Variants in NAALADL2 observed in about 807,000 individuals in gnomAD.
The protein encoded by NAALADL2 is inactive N-acetylated-alpha-linked acidic dipeptidase-like protein 2.
Under a neutral mutation model 87.2 loss-of-function variants are expected in NAALADL2, and 76 were observed. The ratio of observed to expected loss-of-function variants is 0.87; its 90% CI spans 0.72 to 1.05. The LOEUF (loss-of-function observed/expected upper bound fraction) is 1.05. NAALADL2 is among the 50% of genes least tolerant of loss of function. NAALADL2 has a pLI of 0.00. For synonymous variants in NAALADL2, 354 were observed against 331.0 expected (o/e 1.07, Z -0.75); for missense variants, 1,089 against 945.8 (o/e 1.15, Z -1.99).
intron 2 of NAALADL2, among the ~76,000 whole-genome samples, chr3:174,632,884 G>A (rs1292260777): frequency 3.0e-5 from 4 of 134,868 alleles, no homozygotes; most frequent in Non-Finnish European, 4.6e-5. Context: ...GCAGTGAGCC[G>A]AGATCGCGCC....
In NAALADL2 at chr3:175,753,872, A is replaced by C. The variant is rs1328192067; in HGVS notation, c.1991-1348A>C. On this transcript the variant is annotated intron_variant, in intron 12 of 13. Coordinates refer to ENST00000454872, the MANE Select transcript of NAALADL2 (RefSeq NM_207015.3). ...CTTCACACCATCTGTCTGTCTCAAT[A>C]TCATCCTCTCAAAACTGCCAATTTA... 3.3e-5 allele frequency among the ~76,000 whole-genome samples: 5 copies of C among 152,116 alleles called. No homozygotes were observed. In the East Asian group the frequency reaches 7.7e-4, roughly 24 times the overall value.
chr3:175,734,551 C>T (rs529815801), intron 11 of NAALADL2, among the ~76,000 whole-genome samples: 63 of 151,520 alleles, frequency 4.2e-4, no homozygotes, highest in African/African-American at 1.3e-3. Flanking sequence ...AGCGAGACTC[C>T]GTTTCAAAAA....
intron 4 of NAALADL2, among the ~76,000 whole-genome samples, chr3:175,301,506 A>G (rs1259366286): frequency 6.6e-6 from 1 of 152,148 alleles, no homozygotes; most frequent in Non-Finnish European, 1.5e-5. Flanking sequence ...GTTAATTCCA[A>G]TTTCTGTATT....
At chr3:174,545,470 A>G (rs1462500181) in intron 1 of NAALADL2, among the ~76,000 whole-genome samples, 1 of 152,076 alleles carries the variant, frequency 6.6e-6, no homozygotes, top group East Asian at 1.9e-4. Flanking sequence ...CTCCTGTGTG[A>G]TTGATCGTTT....
intron 1 of NAALADL2, among the ~76,000 whole-genome samples, chr3:175,013,464 A>G (rs1750421862): frequency 6.7e-6 from 1 of 149,648 alleles, no homozygotes; most frequent in Non-Finnish European, 1.5e-5. Context: ...ACGCCCAGCT[A>G]ATTTTTATAG....
In NAALADL2 at chr3:175,465,123, A is replaced by G. The variant is rs894746211; in HGVS notation, c.1327+1630A>G. ...TTTAATTAGCCGGGCATGGTGGCAG[A>G]CGCCTGTAGTCCCAGCTACTGGGGA... On this transcript the variant is annotated intron_variant, in intron 7 of 13. Coordinates refer to ENST00000454872, the MANE Select transcript of NAALADL2 (RefSeq NM_207015.3). Among the ~76,000 whole-genome samples, 41 of 152,104 alleles carry G rather than the reference A, an allele frequency of 2.7e-4. 3 individuals carry two copies. Among genetic ancestry groups the G allele is most frequent in the Admixed American group, 1.2e-3 (19 of 15,292 alleles).
At chr3:174,799,599 C>T (rs892212001) in intron 3 of NAALADL2, among the ~76,000 whole-genome samples, 1 of 152,134 alleles carries the variant, frequency 6.6e-6, no homozygotes, top group African/African-American at 2.4e-5. Flanking sequence ...GTAAATTGTC[C>T]AGTCTTTGAT....
intron 3 of NAALADL2, among the ~76,000 whole-genome samples, chr3:174,765,175 A>G (rs1430502707): frequency 6.8e-6 from 1 of 148,116 alleles, no homozygotes; most frequent in Non-Finnish European, 1.5e-5. Context: ...AGAGAGACAG[A>G]GAGAACAAGA....
chr3:174,490,632 T>G (rs1485541956), intron 1 of NAALADL2, among the ~76,000 whole-genome samples: 1 of 152,086 alleles, frequency 6.6e-6, no homozygotes, highest in Non-Finnish European at 1.5e-5. Context: ...GTGTATAGCT[T>G]TCAAAACAAA....
intron 4 of NAALADL2, among the ~76,000 whole-genome samples, chr3:175,312,849 C>T (rs1758557330): frequency 6.6e-6 from 1 of 152,058 alleles, no homozygotes; most frequent in Non-Finnish European, 1.5e-5. Flanking sequence ...GATAATTTGA[C>T]CTAAAGTTGA....
At chr3:174,948,719 G>T (rs1215944508) in intron 1 of NAALADL2, among the ~76,000 whole-genome samples, 12 of 152,014 alleles carry the variant, frequency 7.9e-5, no homozygotes, top group Middle Eastern at 3.2e-3. Flanking sequence ...TGGCTGTGGT[G>T]ACTCAAAAAC....
At chr3:175,764,195 C>A (rs1303519152) in intron 13 of NAALADL2, among the ~76,000 whole-genome samples, 3 of 150,546 alleles carry the variant, frequency 2.0e-5, no homozygotes, top group Non-Finnish European at 4.4e-5. Context: ...GATTATGGTC[C>A]AGTATCCCAT....
chr3:175,411,856 G>A (rs1713584004), intron 5 of NAALADL2, among the ~76,000 whole-genome samples: 1 of 152,088 alleles, frequency 6.6e-6, no homozygotes, highest in African/African-American at 2.4e-5. Flanking sequence ...GAGCCACTGG[G>A]AGCTTAACTG....
intron 4 of NAALADL2, among the ~76,000 whole-genome samples, chr3:175,283,835 G>T (rs988292294): frequency 2.6e-5 from 4 of 151,936 alleles, no homozygotes; most frequent in African/African-American, 9.7e-5. Context: ...CTGGACATGA[G>T]CTTAATCACT....
intron 3 of NAALADL2, among the ~76,000 whole-genome samples, chr3:174,849,043 A>G (rs977413752): frequency 6.6e-6 from 1 of 152,268 alleles, no homozygotes; most frequent in Admixed American, 6.5e-5. Flanking sequence ...TATGATATAA[A>G]AGATTAGAAA....
chr3:175,571,357 A>T (rs937743802), intron 9 of NAALADL2, among the ~76,000 whole-genome samples: 2 of 152,302 alleles, frequency 1.3e-5, no homozygotes, highest in African/African-American at 4.8e-5. Context: ...TTGTTATCAA[A>T]CATTAAATAT....
chr3:175,600,193 A>G (rs899351861), intron 10 of NAALADL2, among the ~76,000 whole-genome samples: 42 of 151,952 alleles, frequency 2.8e-4, no homozygotes, highest in Admixed American at 3.3e-4. Flanking sequence ...TATATATCTA[A>G]CATATATATG....
chr3:175,022,019 A>G (rs1751626120), intron 1 of NAALADL2, among the ~76,000 whole-genome samples: 1 of 151,944 alleles, frequency 6.6e-6, no homozygotes, highest in Non-Finnish European at 1.5e-5. Flanking sequence ...CTATTAGTAC[A>G]GGTGAGATCT....
chr3:174,613,465 G>A lies in NAALADL2; in HGVS notation c.-115+62828G>A, dbSNP rs141650909. Among the ~76,000 whole-genome samples the A allele has an allele frequency of 7.2e-5, 11 of 152,244 alleles. No homozygotes were observed. In the East Asian group the frequency reaches 9.7e-4, roughly 13 times the overall value. On this transcript the variant is annotated intron_variant, in intron 2 of 3. Coordinates refer to the NAALADL2 transcript ENST00000434257. The stretch of plus-strand genomic sequence containing the variant: ...AAGTCTATCTACTTAGTGTGCTATC[G>A]TAGTGTGGCTGAGCTGGCACTCAGA...
Sources: allele counts gnomAD v4.1 joint callset (sites outside exome capture counted in the v4.1 genomes callset), GRCh38; gene constraint gnomAD v4.1.1; transcripts MANE v1.5; gene names NCBI Gene and HGNC (gene_info 2026-07-23, HGNC 2026-07-21).